The following TAF3 variants were observed in gnomAD, a reference collection of about 807,000 sequenced individuals.
TAF3 encodes transcription initiation factor TFIID subunit 3.
TAF3 carries 7 observed loss-of-function variants against 80.6 expected under a neutral mutation model. The observed-to-expected ratio is 0.09, with a 90% confidence interval of 0.05 to 0.16. The LOEUF is 0.16. Among genes scored for constraint, TAF3 ranks in the 10% least tolerant of loss-of-function variants. The pLI, the probability that TAF3 is intolerant of heterozygous loss-of-function variation, is 1.00. For missense variants in TAF3, 921 were observed against 1,140.2 expected, an observed-to-expected ratio of 0.81 and a Z score of 2.77; for synonymous variants, 444 against 446.1, an observed-to-expected ratio of 1.00 and a Z score of 0.06.
chr10:7,819,330 C>T (rs2131093691), intron 1 of TAF3, among the ~76,000 whole-genome samples: 1 of 152,306 alleles, frequency 6.6e-6, no homozygotes, highest in African/African-American at 2.4e-5. Context: ...TCCTGGGCTC[C>T]TAACTACATA....
chr10:7,825,368 T>A (rs369441038), intron 2 of TAF3, among the ~76,000 whole-genome samples: 19 of 152,210 alleles, frequency 1.2e-4, no homozygotes, highest in Admixed American at 9.2e-4. Flanking sequence ...AATGGACCAT[T>A]GTAAAGGTGT....
At chr10:7,819,145 C>T (rs1295100987) in intron 1 of TAF3, among the ~76,000 whole-genome samples, 2 of 152,162 alleles carry the variant, frequency 1.3e-5, no homozygotes, top group African/African-American at 4.8e-5. Context: ...CGCTCCTCCG[C>T]TCTGAATTGT....
chr10:7,901,146 TGTCAA>T (rs1262592011), intron 2 of TAF3, among the ~76,000 whole-genome samples: 1 of 152,238 alleles, frequency 6.6e-6, no homozygotes, highest in African/African-American at 2.4e-5. Flanking sequence ...AGGTGTTGGC[TGTCAA>T]TGATTTTATT....
At chr10:7,966,393 T>C (rs1310132283) in intron 3 of TAF3, among the ~76,000 whole-genome samples, 1 of 152,208 alleles carries the variant, frequency 6.6e-6, no homozygotes, top group African/African-American at 2.4e-5. Context: ...TTTGACCATC[T>C]CAGTAAGTCA....
chr10:7,943,217 C>T (rs1033293404), intron 2 of TAF3, among the ~76,000 whole-genome samples: 2 of 152,128 alleles, frequency 1.3e-5, no homozygotes, highest in Non-Finnish European at 2.9e-5. Flanking sequence ...AACAGGCGCT[C>T]GATGTTGGCC....
chr10:7,854,424 C>A (rs968029760), intron 2 of TAF3, among the ~76,000 whole-genome samples: 3 of 152,200 alleles, frequency 2.0e-5, no homozygotes, highest in Non-Finnish European at 2.9e-5. Flanking sequence ...CACATGGAAG[C>A]TCTATGTGAT....
chr10:7,896,944 A>G (rs1054006465), intron 2 of TAF3, among the ~76,000 whole-genome samples: 4 of 152,184 alleles, frequency 2.6e-5, no homozygotes, highest in Non-Finnish European at 4.4e-5. Context: ...TTGCATCCGT[A>G]GGACTGAGGT....
At chr10:7,938,496 G>A (rs1387341482) in intron 2 of TAF3, among the ~76,000 whole-genome samples, 3 of 152,198 alleles carry the variant, frequency 2.0e-5, no homozygotes, top group Non-Finnish European at 2.9e-5. Flanking sequence ...TGGATGGTGA[G>A]TGGGAAGGCT....
intron 2 of TAF3, among the ~76,000 whole-genome samples, chr10:7,961,374 G>T (rs991076084): frequency 6.6e-6 from 1 of 152,132 alleles, no homozygotes. Context: ...CATCTCACGC[G>T]TTCTCCATCT....
intron 2 of TAF3, among the ~76,000 whole-genome samples, chr10:7,874,374 G>A (rs1361600496): frequency 6.6e-6 from 1 of 152,094 alleles, no homozygotes; most frequent in Non-Finnish European, 1.5e-5. Flanking sequence ...TACTTGTTAA[G>A]ACAATCATTT....
At chr10:7,841,092 C>T (rs1035274865) in intron 2 of TAF3, among the ~76,000 whole-genome samples, 21 of 152,158 alleles carry the variant, frequency 1.4e-4, no homozygotes, top group Non-Finnish European at 2.9e-4. Flanking sequence ...CTCAGGTGAT[C>T]CGCCCACCTC....
chr10:7,956,509 A>G (rs1838137498), intron 2 of TAF3, among the ~76,000 whole-genome samples: 1 of 152,172 alleles, frequency 6.6e-6, no homozygotes. Flanking sequence ...TAATTTTAAA[A>G]TAATTTTACA....
At chr10:7,826,863 G>A (rs933972669) in intron 2 of TAF3, among the ~76,000 whole-genome samples, 2 of 151,654 alleles carry the variant, frequency 1.3e-5, no homozygotes, top group African/African-American at 4.8e-5. Flanking sequence ...TTTTTTCATG[G>A]GTACAGCATG....
chr10:7,879,054 C>A (rs975473859), intron 2 of TAF3, among the ~76,000 whole-genome samples: 7 of 152,114 alleles, frequency 4.6e-5, no homozygotes, highest in Non-Finnish European at 1.0e-4. Flanking sequence ...TGTTACTACA[C>A]ATTTAGGCTC....
intron 4 of TAF3, among the ~76,000 whole-genome samples, chr10:7,997,637 G>T (rs964380892): frequency 5.9e-5 from 9 of 152,180 alleles, no homozygotes; most frequent in Non-Finnish European, 1.0e-4. Flanking sequence ...AGCAGTGAGG[G>T]CACTGTGATC....
rs538637413 is a variant in TAF3 at position 7,919,907 on chromosome 10, A to G, written c.410-44013A>G. Among the ~76,000 whole-genome samples, 5 of 152,214 alleles carry G rather than the reference A, an allele frequency of 3.3e-5. No individual in the cohort carries two copies. In the East Asian group the frequency reaches 9.7e-4, roughly 29 times the overall value. On this transcript the variant is annotated intron_variant, in intron 2 of 6. Transcript: ENST00000344293. The stretch of plus-strand genomic sequence containing the variant: ...ATTGTATACATTGTTAGTCCCCCTC[A>G]TATTCTGTAATGAGTTTTTCATTTG...
intron 4 of TAF3, among the ~76,000 whole-genome samples, chr10:7,986,169 A>G (rs556397411): frequency 6.6e-5 from 10 of 151,794 alleles, no homozygotes; most frequent in African/African-American, 2.2e-4. Context: ...TGCCCTTGGT[A>G]CAGTAACTCT....
chr10:7,819,598 G>A (rs989401588), intron 1 of TAF3, among the ~76,000 whole-genome samples: 2 of 152,098 alleles, frequency 1.3e-5, no homozygotes, highest in Non-Finnish European at 2.9e-5. Flanking sequence ...ATGAATGTCT[G>A]GTAATATCTA....
chr10:8,002,021 A>G (rs1329872288), intron 4 of TAF3, among the ~76,000 whole-genome samples: 2 of 152,194 alleles, frequency 1.3e-5, no homozygotes, highest in South Asian at 2.1e-4. Flanking sequence ...GTGAATGGCT[A>G]TTGTAAGATA....
Sources: allele counts gnomAD v4.1 joint callset (sites outside exome capture counted in the v4.1 genomes callset), GRCh38; gene constraint gnomAD v4.1.1; transcripts MANE v1.5; gene names NCBI Gene and HGNC (gene_info 2026-07-23, HGNC 2026-07-21).